UNC13C: variants seen among roughly 807,000 people sequenced by gnomAD.
The protein encoded by UNC13C is unc-13 homolog C.
In UNC13C, 174 loss-of-function variants were observed where a neutral mutation model predicts 245.4. The observed-to-expected ratio is 0.71, with a 90% CI of 0.63 to 0.80. The LOEUF is 0.80. Among genes scored for constraint, UNC13C ranks in the 30% least tolerant of loss-of-function variants. UNC13C has a pLI of 0.00. For synonymous variants in UNC13C, 992 were observed against 895.1 expected (o/e 1.11, Z -1.93); for missense variants, 2,829 against 2,602.9 (o/e 1.09, Z -1.89).
In UNC13C at chr15:54,271,739, T is replaced by G. The variant is rs377257618; in HGVS notation, c.3818+6243T>G. ...TTTTAATAGATATTAACCATTGGAG[T>G]AAAGAATTAAGTTAATGAAAGTCTA... On this transcript the variant is annotated intron_variant, in intron 10 of 32. Coordinates refer to ENST00000260323, the MANE Select transcript of UNC13C (RefSeq NM_001080534.3). Among the ~76,000 whole-genome samples the G allele has an allele frequency of 3.9e-5, 6 of 152,142 alleles. No homozygotes were observed. In the East Asian group the frequency reaches 7.7e-4, roughly 20 times the overall value.
At chr15:53,838,761 C>T in the UNC13C span, among the ~76,000 whole-genome samples, 1 of 151,812 alleles carries the variant, frequency 6.6e-6, no homozygotes, top group Non-Finnish European at 1.5e-5. Flanking sequence ...TGAAGATTTT[C>T]TCATTTTCTG....
chr15:54,171,133 C>A (rs1334462561), intron 4 of UNC13C, among the ~76,000 whole-genome samples: 1 of 152,106 alleles, frequency 6.6e-6, no homozygotes, highest in Non-Finnish European at 1.5e-5. Context: ...CTAAACATTC[C>A]CTTATGTCTC....
chr15:54,297,424 C>CTTA (rs2037465103), intron 11 of UNC13C, among the ~76,000 whole-genome samples: 1 of 152,012 alleles, frequency 6.6e-6, no homozygotes, highest in Non-Finnish European at 1.5e-5. Context: ...GTGATCATAG[C>CTTA]TTAGTATAAC....
chr15:54,219,027 G>T (rs1596026106), intron 4 of UNC13C, among the ~76,000 whole-genome samples: 1 of 152,058 alleles, frequency 6.6e-6, no homozygotes, highest in East Asian at 1.9e-4. Flanking sequence ...TACTGCCCAA[G>T]GTAATTTATA....
At chr15:54,355,228 C>T (rs903634816) in intron 17 of UNC13C, among the ~76,000 whole-genome samples, 23 of 152,176 alleles carry the variant, frequency 1.5e-4, no homozygotes, top group Non-Finnish European at 8.8e-5. Flanking sequence ...CAGAAACAAA[C>T]TTAAAACTTT....
At chr15:54,067,830 T>A (rs1389436694) in intron 2 of UNC13C, among the ~76,000 whole-genome samples, 1 of 152,216 alleles carries the variant, frequency 6.6e-6, no homozygotes, top group Non-Finnish European at 1.5e-5. Flanking sequence ...CTGTGAGACC[T>A]AGTGAGCTCA....
chr15:54,617,048 G>C (rs1277834653), intron 30 of UNC13C, among the ~76,000 whole-genome samples: 1 of 152,020 alleles, frequency 6.6e-6, no homozygotes, highest in East Asian at 1.9e-4. Flanking sequence ...CTACCACTTA[G>C]AAGTGTCATA....
chr15:54,542,278 G>T (rs1179346553), intron 26 of UNC13C, among the ~76,000 whole-genome samples: 1 of 152,120 alleles, frequency 6.6e-6, no homozygotes, highest in Non-Finnish European at 1.5e-5. Flanking sequence ...TTTAGGAGCA[G>T]GTTGTTCAGC....
chr15:54,231,927 T>C (rs570421825), intron 4 of UNC13C, among the ~76,000 whole-genome samples: 96 of 152,232 alleles, frequency 6.3e-4, no homozygotes, highest in Middle Eastern at 3.4e-3. Context: ...TATATATGAA[T>C]ATTTCTACTA....
chr15:53,965,559 TTTATTTATTTA>T, the UNC13C span, among the ~76,000 whole-genome samples: 5 of 135,896 alleles, frequency 3.7e-5, no homozygotes, highest in African/African-American at 1.5e-4. Context: ...TATTTATTTA[TTTATTTATTTA>T]TTATTATTAT....
intron 18 of UNC13C, among the ~76,000 whole-genome samples, chr15:54,410,285 G>A (rs1042259453): frequency 2.0e-5 from 3 of 152,164 alleles, no homozygotes; most frequent in Non-Finnish European, 2.9e-5. Context: ...TTTGCCAGAT[G>A]TATAGTTTGC....
intron 17 of UNC13C, among the ~76,000 whole-genome samples, chr15:54,341,048 G>T (rs987826652): frequency 5.3e-5 from 8 of 152,110 alleles, no homozygotes; most frequent in Non-Finnish European, 7.4e-5. Context: ...GCAGTATGGA[G>T]GTTTCTCAAA....
At chr15:53,927,230 G>T in the UNC13C span, among the ~76,000 whole-genome samples, 1 of 152,256 alleles carries the variant, frequency 6.6e-6, no homozygotes, top group East Asian at 1.9e-4. Context: ...TTTAACCTAG[G>T]CTCTGGAGTC....
intron 1 of UNC13C, among the ~76,000 whole-genome samples, chr15:53,983,795 G>A (rs2140949644): frequency 6.6e-6 from 1 of 151,924 alleles, no homozygotes; most frequent in African/African-American, 2.4e-5. Flanking sequence ...TGTCTCAAAA[G>A]TCAAGAAATT....
At chr15:54,326,495 G>C (rs1419387916) in intron 14 of UNC13C, among the ~76,000 whole-genome samples, 1 of 152,002 alleles carries the variant, frequency 6.6e-6, no homozygotes, top group African/African-American at 2.4e-5. Context: ...TTGACTCTAG[G>C]CTGAAATTTT....
the UNC13C span, among the ~76,000 whole-genome samples, chr15:53,854,569 T>G: frequency 6.6e-6 from 1 of 152,194 alleles, no homozygotes; most frequent in Non-Finnish European, 1.5e-5. Flanking sequence ...CCCCATTAAT[T>G]GTTTTTGTCC....
intron 7 of UNC13C, among the ~76,000 whole-genome samples, chr15:54,239,228 TTCC>T (rs2035787692): frequency 6.6e-6 from 1 of 152,184 alleles, no homozygotes. Context: ...TCTCATTCCC[TTCC>T]TTCTTCTTTC....
intron 19 of UNC13C, among the ~76,000 whole-genome samples, chr15:54,419,920 C>T (rs1466246004): frequency 6.6e-6 from 1 of 152,006 alleles, no homozygotes; most frequent in Non-Finnish European, 1.5e-5. Context: ...TTCTTTCTCT[C>T]TTATATGAGG....
chr15:54,401,960 G>A (rs563711487), intron 18 of UNC13C, among the ~76,000 whole-genome samples: 1 of 151,702 alleles, frequency 6.6e-6, no homozygotes, highest in African/African-American at 2.4e-5. Flanking sequence ...AGTTACTTGA[G>A]CCTCTGATTT....
Sources: gnomAD v4.1 joint callset for allele counts (sites outside exome capture counted in the v4.1 genomes callset) on GRCh38, gnomAD v4.1.1 for gene constraint, MANE v1.5 for transcripts, NCBI Gene and HGNC (gene_info 2026-07-23, HGNC 2026-07-21) for gene names.